TENM4: variants seen among roughly 807,000 people sequenced by gnomAD.
TENM4 encodes the protein teneurin-4.
In TENM4, 82 loss-of-function variants were observed where a neutral mutation model predicts 243.3. The observed-to-expected ratio is 0.34, with a 90% confidence interval of 0.28 to 0.40. The LOEUF (loss-of-function observed/expected upper bound fraction) is 0.40, where lower values mean the gene tolerates loss of function less well. TENM4 is among the 10% of genes least tolerant of loss of function. The pLI, the probability that TENM4 is intolerant of heterozygous loss-of-function variation, is 1.00. For missense variants in TENM4, 3,138 were observed against 3,673.3 expected, an observed-to-expected ratio of 0.85 and a Z score of 3.77; for synonymous variants, 1,412 against 1,456.3, an observed-to-expected ratio of 0.97 and a Z score of 0.69.
intron 6 of TENM4, among the ~76,000 whole-genome samples, chr11:78,923,255 G>A (rs551815498): frequency 6.6e-6 from 1 of 152,230 alleles, no homozygotes; most frequent in South Asian, 2.1e-4. Context: ...TGAACCAAGG[G>A]CCCTGTATTT....
chr11:78,870,611 T>A (rs1228141263), intron 9 of TENM4, among the ~76,000 whole-genome samples: 2 of 152,184 alleles, frequency 1.3e-5, no homozygotes, highest in Non-Finnish European at 2.9e-5. Context: ...AATTAAGTGT[T>A]TTCTGGAGAA....
chr11:79,132,345 C>CAAAAAAAAAAAAAA (rs569082783), intron 4 of TENM4, among the ~76,000 whole-genome samples: 7,096 of 49,358 alleles, frequency 0.14, 1,485 homozygotes, highest in Non-Finnish European at 0.22. Flanking sequence ...GACTCCAACT[C>CAAAAAAAAAAAAAA]AAAAAAAAAA....
intron 1 of TENM4, among the ~76,000 whole-genome samples, chr11:79,349,299 T>C (rs2135474757): frequency 6.6e-6 from 1 of 152,336 alleles, no homozygotes; most frequent in South Asian, 2.1e-4. Context: ...GAATTCTTCT[T>C]TTTGAAGAAA....
intron 1 of TENM4, among the ~76,000 whole-genome samples, chr11:79,430,026 A>T (rs1261500916): frequency 6.6e-6 from 1 of 152,082 alleles, no homozygotes; most frequent in Admixed American, 6.5e-5. Flanking sequence ...AGCCACCAAG[A>T]GGTGAAATTT....
intron 20 of TENM4, 106 bp downstream of exon 20, chr11:78,738,345 A>C: frequency 6.9e-7 from 1 of 1,441,260 alleles, no homozygotes. Context: ...AGGCCCTCTG[A>C]ATCCAAGACC....
intron 18 of TENM4, among the ~76,000 whole-genome samples, chr11:78,760,460 A>G (rs1856403645): frequency 6.6e-6 from 1 of 152,238 alleles, no homozygotes; most frequent in African/African-American, 2.4e-5. Flanking sequence ...AGGATGGTTA[A>G]TTCCTTAGAC....
At chr11:78,768,460 C>T (rs546071966) in intron 18 of TENM4, among the ~76,000 whole-genome samples, 1 of 152,318 alleles carries the variant, frequency 6.6e-6, no homozygotes, top group South Asian at 2.1e-4. Context: ...TTTATCCTGG[C>T]AATTGTCCCA....
Position 79,212,648 on chromosome 11 carries a change from G to T in TENM4, c.-163+3160C>A, listed in dbSNP as rs1011308827. On this transcript the variant is annotated intron_variant, in intron 3 of 33. Coordinates refer to ENST00000278550, the MANE Select transcript of TENM4 (RefSeq NM_001098816.3). ...ACTCACAGGGGTCATCCCACTGCAG[G>T]TGTGAGAGGTGAGGCCGTGTGAAGC... Among the ~76,000 whole-genome samples the T allele has an allele frequency of 3.9e-5, 6 of 152,248 alleles. No individual in the cohort carries two copies. In the South Asian group the frequency reaches 1.2e-3, roughly 32 times the overall value.
intron 6 of TENM4, among the ~76,000 whole-genome samples, chr11:78,912,535 C>T (rs953146547): frequency 2.4e-4 from 37 of 152,178 alleles, no homozygotes; most frequent in Admixed American, 7.9e-4. Context: ...GGATTACAGG[C>T]GTGAGCCACC....
At chr11:78,919,623 G>A (rs1232793464) in intron 6 of TENM4, among the ~76,000 whole-genome samples, 3 of 152,120 alleles carry the variant, frequency 2.0e-5, no homozygotes, top group Non-Finnish European at 2.9e-5. Context: ...ATGCCTGCCT[G>A]AGAATAAGGC....
chr11:79,146,373 C>G (rs756356863), intron 4 of TENM4, among the ~76,000 whole-genome samples: 1 of 152,060 alleles, frequency 6.6e-6, no homozygotes, highest in African/African-American at 2.4e-5. Context: ...TTGTCCTATA[C>G]CTTGAGTGAT....
chr11:78,735,846 C>CCTCCT (rs1213897435), intron 20 of TENM4, among the ~76,000 whole-genome samples: 4 of 150,116 alleles, frequency 2.7e-5, no homozygotes, highest in Non-Finnish European at 5.9e-5. Flanking sequence ...CCACCCCTCC[C>CCTCCT]CTCCCCTCCT....
At chr11:79,391,020 T>C (rs1858222270) in intron 1 of TENM4, among the ~76,000 whole-genome samples, 1 of 152,200 alleles carries the variant, frequency 6.6e-6, no homozygotes, top group South Asian at 2.1e-4. Flanking sequence ...GGTTTTTACA[T>C]AAGAGGCAGC....
chr11:79,267,109 T>C (rs2135337210), intron 2 of TENM4, among the ~76,000 whole-genome samples: 1 of 152,300 alleles, frequency 6.6e-6, no homozygotes, highest in African/African-American at 2.4e-5. Flanking sequence ...GAGACCTGTT[T>C]GTCACCTTCC....
At chr11:79,347,394 C>T (rs553218952) in intron 1 of TENM4, among the ~76,000 whole-genome samples, 4 of 152,308 alleles carry the variant, frequency 2.6e-5, no homozygotes, top group African/African-American at 7.2e-5. Flanking sequence ...GGCCATGGAC[C>T]TCAGGACAAG....
chr11:79,124,925 G>GTA (rs1390255266), intron 4 of TENM4, among the ~76,000 whole-genome samples: 28 of 144,362 alleles, frequency 1.9e-4, no homozygotes, highest in East Asian at 6.4e-4. Context: ...GTGTGTGTAT[G>GTA]TATATATATA....
At position 78,688,184 on chromosome 11, in the gene TENM4, A is replaced by T; in HGVS notation, c.5130T>A (p.Thr1710=). Residue 1710 remains threonine, a synonymous_variant, in exon 29 of 34, where the codon ACT becomes ACA. Transcript: ENST00000278550. The part of the protein sequence containing the change: ...FGRLTNVTFP[T]GQVSSFRSDT... ...CACTTCGGAAACTGCTCACCTGGCC[A>T]GTAGGGAAGGTCACATTTGTCAGGC... 6.2e-7 allele frequency: 1 copy of T among 1,613,846 alleles called. No individual in the cohort carries two copies. Among genetic ancestry groups the T allele is most frequent in the Non-Finnish European group, 8.5e-7 (1 of 1,179,796 alleles).
At chr11:78,661,659 T>G in intron 32 of TENM4, 68 bp from the exon 33 acceptor site, 1 of 1,572,444 alleles carries the variant, frequency 6.4e-7, no homozygotes, top group Non-Finnish European at 8.6e-7. Flanking sequence ...CATCCCCATC[T>G]CACAGCCTAC....
chr11:79,109,138 C>CGACA (rs1565207202), intron 4 of TENM4, among the ~76,000 whole-genome samples: 1 of 152,148 alleles, frequency 6.6e-6, no homozygotes, highest in Non-Finnish European at 1.5e-5. Flanking sequence ...CAGGGACATG[C>CGACA]GACACTTCAA....
Sources: gnomAD v4.1 joint callset for allele counts (sites outside exome capture counted in the v4.1 genomes callset) on GRCh38, gnomAD v4.1.1 for gene constraint, MANE v1.5 for transcripts, NCBI Gene and HGNC (gene_info 2026-07-23, HGNC 2026-07-21) for gene names.